DUSP22: variants seen among roughly 807,000 people sequenced by gnomAD.
The protein encoded by DUSP22 is dual specificity protein phosphatase 22.
A neutral mutation model predicts 24.5 loss-of-function variants in DUSP22; 24 were observed. The observed-to-expected ratio is 0.98, with a 90% confidence interval of 0.71 to 1.38. DUSP22 has a LOEUF of 1.38. Among genes scored for constraint, DUSP22 ranks in the 40% most tolerant of loss-of-function variants. The pLI is 0.00. For synonymous variants in DUSP22, 160 were observed against 106.4 expected, an observed-to-expected ratio of 1.50 and a Z score of -3.10; for missense variants, 330 against 269.2, an observed-to-expected ratio of 1.23 and a Z score of -1.58.
At position 350,168 on chromosome 6, in the gene DUSP22, T is replaced by C. The variant is rs1463803425; in HGVS notation, c.*1217T>C. 1 of 986,238 alleles carries C rather than the reference T, an allele frequency of 1.0e-6. No individual in the cohort carries two copies. The highest frequency in any genetic ancestry group is 1.2e-6 in the Non-Finnish European group (1 of 830,602). The allele number at this position is 986,238 out of a possible 1,614,324, so 61.1% of individuals were successfully genotyped here. ...CCTCACAGTTGAAAATGTTCGGTCA[T>C]GATTGCTTTTGAAACCAAAGGGGAA... On this transcript the variant is annotated 3_prime_UTR_variant, in exon 7 of 7. Transcript: ENST00000419235.
At chr6:345,453 G>A (rs1044803300) in intron 4 of DUSP22, among the ~76,000 whole-genome samples, 10 of 152,292 alleles carry the variant, frequency 6.6e-5, no homozygotes, top group Non-Finnish European at 1.0e-4. Flanking sequence ...CAAGTGATCC[G>A]CCTGCCTCAG....
chr6:300,871 G>A (rs1757549857), intron 1 of DUSP22, among the ~76,000 whole-genome samples: 1 of 152,426 alleles, frequency 6.6e-6, no homozygotes, highest in African/African-American at 2.4e-5. Flanking sequence ...TGGAGAGCCA[G>A]ACTCAGGGGC....
chr6:339,842 TC>T (rs1268757983), intron 4 of DUSP22, among the ~76,000 whole-genome samples: 3 of 152,304 alleles, frequency 2.0e-5, no homozygotes, highest in Non-Finnish European at 2.9e-5. Context: ...TTTACGTTTT[TC>T]TTTTATTTTA....
chr6:304,348 G>A (rs974980401), intron 1 of DUSP22, among the ~76,000 whole-genome samples: 12 of 152,412 alleles, frequency 7.9e-5, no homozygotes, highest in Middle Eastern at 6.8e-3. Context: ...AGGCGGGGCA[G>A]GGGACTTGGA....
At chr6:321,468 C>T (rs576944020) in intron 3 of DUSP22, among the ~76,000 whole-genome samples, 1 of 152,296 alleles carries the variant, frequency 6.6e-6, no homozygotes, top group Non-Finnish European at 1.5e-5. Context: ...CTCGAAAGCT[C>T]TTGAAGTAAT....
intron 4 of DUSP22, among the ~76,000 whole-genome samples, chr6:339,143 A>T (rs984247190): frequency 9.2e-5 from 14 of 152,418 alleles, no homozygotes; most frequent in South Asian, 4.1e-4. Context: ...TCATGATTAG[A>T]GGCGTCCTAG....
chr6:304,192 G>A (rs1757710536), intron 1 of DUSP22, among the ~76,000 whole-genome samples: 1 of 152,308 alleles, frequency 6.6e-6, no homozygotes, highest in Non-Finnish European at 1.5e-5. Flanking sequence ...TGAGCCGGGG[G>A]CCAACCCTGG....
At position 344,475 on chromosome 6, in the gene DUSP22, G is replaced by A. The variant is rs557444004; in HGVS notation, c.189-1379G>A. On this transcript the variant is annotated intron_variant, in intron 4 of 6. Coordinates refer to ENST00000419235, the MANE Select transcript of DUSP22 (RefSeq NM_001286555.3). ...TAATTTTTTTTTGGTATTTTCTGTA[G>A]AGATGAGTTTCGACATTTTGCCCCG... Among the ~76,000 whole-genome samples the A allele has an allele frequency of 3.9e-5, 6 of 152,404 alleles. No individual in the cohort carries two copies. In the East Asian group the frequency reaches 1.2e-3, roughly 29 times the overall value.
At position 349,225 on chromosome 6, in the gene DUSP22, T is replaced by C; in HGVS notation, c.*274T>C. 7.2e-7 allele frequency: 1 copy of C among 1,381,594 alleles called. No homozygotes were observed. The highest frequency in any genetic ancestry group is 9.4e-7 in the Non-Finnish European group (1 of 1,067,076). 85.6% of individuals were successfully genotyped at this position (1,381,594 alleles called of 1,614,324 possible). ...TGCACGTGCGTGTGTGTGAGTGCAC[T>C]TGTGTGTGGGTGACTAAGTGGATGC... On this transcript the variant is annotated 3_prime_UTR_variant, in exon 7 of 7. Coordinates refer to ENST00000419235, the MANE Select transcript of DUSP22 (RefSeq NM_001286555.3).
chr6:313,675 C>T (rs1758210417), intron 3 of DUSP22, among the ~76,000 whole-genome samples: 1 of 152,304 alleles, frequency 6.6e-6, no homozygotes, highest in Non-Finnish European at 1.5e-5. Context: ...ATTATCTTAG[C>T]TTCATAATAA....
rs1054970109 is a variant in DUSP22, at chr6:350,197, A to C, written c.*1246A>C. The C allele has an allele frequency of 1.0e-6, 1 of 986,958 alleles. No individual in the cohort carries two copies. Among genetic ancestry groups the C allele is most frequent in the Non-Finnish European group, 1.2e-6 (1 of 831,016 alleles). The allele number at this position is 986,958 out of a possible 1,614,324, so 61.1% of individuals were successfully genotyped here. ...TGCTTTTGAAACCAAAGGGGAAGGT[A>C]CCGATATCATTGAGCTATTTAAAGT... On this transcript the variant is annotated 3_prime_UTR_variant, in exon 7 of 7. Transcript: ENST00000419235.
chr6:334,489 A>G (rs985526015), intron 3 of DUSP22, among the ~76,000 whole-genome samples: 4 of 152,296 alleles, frequency 2.6e-5, no homozygotes, highest in Admixed American at 6.5e-5. Flanking sequence ...AGAGGAGTAT[A>G]TGAAGTTTAT....
intron 2 of DUSP22, among the ~76,000 whole-genome samples, chr6:311,287 C>T (rs1758075979): frequency 6.6e-6 from 1 of 152,298 alleles, no homozygotes; most frequent in Admixed American, 6.5e-5. Context: ...TGTTATATTA[C>T]AGAGGCCTTT....
At chr6:312,352 T>A (rs1447841916) in intron 3 of DUSP22, among the ~76,000 whole-genome samples, 1 of 152,296 alleles carries the variant, frequency 6.6e-6, no homozygotes, top group Non-Finnish European at 1.5e-5. Flanking sequence ...TAAACTCAAA[T>A]AGCTACCACT....
At chr6:311,774 G>T in intron 2 of DUSP22, 106 bp from the exon 3 acceptor site, 1 of 1,252,686 alleles carries the variant, frequency 8.0e-7, no homozygotes, top group Non-Finnish European at 1.1e-6. Flanking sequence ...TTTCAGGAAA[G>T]AAATATGCAA....
chr6:350,529 T>C lies in DUSP22; in HGVS notation c.*1578T>C, dbSNP rs546297539. On this transcript the variant is annotated 3_prime_UTR_variant, in exon 7 of 7. Transcript: ENST00000419235. ...AGAGGGTGTGTCAAAGGTGAGCTTT[T>C]TGGGGACCGGGAAAAACAAAGTTGC... is the stretch of plus-strand genomic sequence containing the variant. 1.1e-5 allele frequency: 14 copies of C among 1,330,596 alleles called. No individual in the cohort carries two copies. Among genetic ancestry groups the C allele is most frequent in the Non-Finnish European group, 1.3e-5 (14 of 1,039,814 alleles). 82.4% of individuals were successfully genotyped at this position (1,330,596 alleles called of 1,614,324 possible). A position where few individuals can be genotyped will look rare whatever the true frequency, so the allele number is the denominator to read the frequency against.
intron 3 of DUSP22, among the ~76,000 whole-genome samples, chr6:317,519 G>A (rs1320793804): frequency 6.6e-6 from 1 of 152,302 alleles, no homozygotes; most frequent in East Asian, 1.9e-4. Flanking sequence ...TCCTCTGAGA[G>A]GGACACCGTC....
intron 5 of DUSP22, among the ~76,000 whole-genome samples, chr6:347,529 G>A (rs1313845816): frequency 2.0e-5 from 3 of 152,298 alleles, no homozygotes; most frequent in Non-Finnish European, 4.4e-5. Context: ...CTGCCTGCAA[G>A]GGTGCCTTGC....
chr6:310,927 C>T (rs1002717815), intron 2 of DUSP22, among the ~76,000 whole-genome samples: 13 of 152,404 alleles, frequency 8.5e-5, no homozygotes, highest in African/African-American at 2.6e-4. Flanking sequence ...ACTTTTGTTG[C>T]CTAAAAGGAA....
Sources: allele counts gnomAD v4.1 joint callset (sites outside exome capture counted in the v4.1 genomes callset), GRCh38; gene constraint gnomAD v4.1.1; transcripts MANE v1.5; gene names NCBI Gene and HGNC (gene_info 2026-07-23, HGNC 2026-07-21).